ELFN1: variants seen among roughly 807,000 people sequenced by gnomAD.
ELFN1 encodes the protein protein ELFN1.
In ELFN1, 6 loss-of-function variants were observed where a neutral mutation model predicts 7.6. The ratio of observed to expected loss-of-function variants is 0.79; its 90% CI spans 0.43 to 1.56. The LOEUF (loss-of-function observed/expected upper bound fraction) is 1.56. ELFN1 is among the 40% of genes most tolerant of loss of function. The pLI is 0.01. For synonymous variants in ELFN1, 657 were observed against 588.1 expected (o/e 1.12, Z -1.70); for missense variants, 1,169 against 1,232.2 (o/e 0.95, Z 0.77).
upstream of ELFN1, among the ~76,000 whole-genome samples, chr7:1,670,206 T>TC (rs1221082155): frequency 1.5e-4 from 22 of 145,272 alleles, no homozygotes; most frequent in Admixed American, 5.4e-4. This position sits in a 1 kb window ranked among gnomAD's most constrained non-coding sequence, Gnocchi z 6.4. Context: ...GAGCTTGAAT[T>TC]CCCCCCCGGC....
chr7:1,703,899 C>T (rs1037186699), intron 2 of ELFN1, among the ~76,000 whole-genome samples: 4 of 152,208 alleles, frequency 2.6e-5, no homozygotes, highest in Non-Finnish European at 5.9e-5. Context: ...CCTGTAAGGG[C>T]TGTCGCCGGA....
intron 3 of ELFN1, among the ~76,000 whole-genome samples, chr7:1,719,974 C>T (rs2041018816): frequency 6.6e-6 from 1 of 151,580 alleles, no homozygotes; most frequent in South Asian, 2.1e-4. Context: ...TGGGGGCCTC[C>T]CCCACCATCA....
chr7:1,747,196 G>A lies in ELFN1; in HGVS notation c.*113G>A. 1.6e-6 allele frequency: 2 copies of A among 1,248,658 alleles called. No homozygotes were observed. The highest frequency in any genetic ancestry group is 2.1e-6 in the Non-Finnish European group (2 of 937,622). The allele number at this position is 1,248,658 out of a possible 1,614,324, so 77.3% of individuals were successfully genotyped here. On this transcript the variant is annotated 3_prime_UTR_variant, in exon 4 of 4. Transcript: ENST00000424383. Reference sequence around the variant, plus strand: ...ACCACAGCAACTGTGACAGCGGGGGGCCCTGCAGAGGCGAGGGGGGAGCGA... The same window carrying A: ...ACCACAGCAACTGTGACAGCGGGGGACCCTGCAGAGGCGAGGGGGGAGCGA...
intron 3 of ELFN1, among the ~76,000 whole-genome samples, chr7:1,721,344 C>A (rs1021721154): frequency 5.3e-5 from 8 of 152,204 alleles, no homozygotes; most frequent in African/African-American, 1.9e-4. Flanking sequence ...CCTCTCAGGG[C>A]CTAAGTGTGT....
At chr7:1,702,434 A>G (rs1007445144) in intron 2 of ELFN1, among the ~76,000 whole-genome samples, 12 of 150,720 alleles carry the variant, frequency 8.0e-5, no homozygotes, top group Admixed American at 7.2e-4. Context: ...GGGGAAAAAA[A>G]AAAAGAAGAA....
At chr7:1,699,355 C>T (rs1211532562) in intron 2 of ELFN1, among the ~76,000 whole-genome samples, 1 of 152,164 alleles carries the variant, frequency 6.6e-6, no homozygotes, top group Non-Finnish European at 1.5e-5. Context: ...TTCCAAGTTG[C>T]AGCCAGGTGC....
chr7:1,673,785 G>A lies in ELFN1; in HGVS notation c.-549+3431G>A, dbSNP rs916123941. Among the ~76,000 whole-genome samples the A allele has an allele frequency of 3.9e-5, 6 of 152,040 alleles. No homozygotes were observed. The highest frequency in any genetic ancestry group is 9.7e-5 in the African/African-American group (4 of 41,418). ...TCCAGCCCCTGAAGATGGTCCAGCC[G>A]GTCCATTTTCCAGAAGGGTCCAGCA... On this transcript the variant is annotated intron_variant, in intron 1 of 3. Transcript: ENST00000424383. The surrounding 1 kb of genome is among the most constrained non-coding windows in gnomAD (Gnocchi z 4.7).
intron 3 of ELFN1, among the ~76,000 whole-genome samples, chr7:1,732,229 G>A (rs1466100300): frequency 1.3e-5 from 2 of 152,148 alleles, no homozygotes; most frequent in Admixed American, 6.5e-5. Context: ...GGGAACATTG[G>A]GGTGCTGGGA....
intron 1 of ELFN1, among the ~76,000 whole-genome samples, chr7:1,679,969 G>T (rs571326215): frequency 6.6e-6 from 1 of 152,264 alleles, no homozygotes; most frequent in African/African-American, 2.4e-5. Flanking sequence ...AGAAGGGGGC[G>T]CGTGTGCCCC....
Position 1,747,184 on chromosome 7 carries a change from T to G in ELFN1, c.*101T>G. ...CACACGCACGCCACCACAGCAACTG[T>G]GACAGCGGGGGGCCCTGCAGAGGCG... On this transcript the variant is annotated 3_prime_UTR_variant, in exon 4 of 4. Coordinates refer to ENST00000424383, the MANE Select transcript of ELFN1 (RefSeq NM_001128636.4). The G allele has an allele frequency of 1.5e-6, 2 of 1,300,516 alleles. No homozygotes were observed. Among genetic ancestry groups the G allele is most frequent in the East Asian group, 2.8e-5 (1 of 36,134 alleles). 80.6% of individuals were successfully genotyped at this position (1,300,516 alleles called of 1,614,324 possible). A position where few individuals can be genotyped will look rare whatever the true frequency, so the allele number is the denominator to read the frequency against.
chr7:1,694,647 C>A lies in ELFN1; in HGVS notation c.-456+6497C>A, dbSNP rs149547723. Among the ~76,000 whole-genome samples, 275 of 152,326 alleles carry A rather than the reference C, an allele frequency of 1.8e-3. 1 individual carries two copies. The highest frequency in any genetic ancestry group is 2.7e-3 in the Non-Finnish European group (184 of 68,024). On this transcript the variant is annotated intron_variant, in intron 2 of 3. Coordinates refer to ENST00000424383, the MANE Select transcript of ELFN1 (RefSeq NM_001128636.4). ...CTTGAAGGAGTCAGCTCCCCCAGCACCCAGACGCCCACCTGCCCAGGTGCA... is the reference window on the plus strand; with the variant it reads ...CTTGAAGGAGTCAGCTCCCCCAGCAACCAGACGCCCACCTGCCCAGGTGCA...
In ELFN1 at chr7:1,739,559, G is replaced by T; in HGVS notation, c.-293-4745G>T. On this transcript the variant is annotated intron_variant, in intron 3 of 3. Transcript: ENST00000424383. This position sits in a 1 kb window ranked among gnomAD's most constrained non-coding sequence, Gnocchi z 4.6. ...AGCTGCACAGAGACAAGAGCACGGGGCACAAGACCCCCTGGGAGAGCTGGG... is the reference window on the plus strand; with the variant it reads ...AGCTGCACAGAGACAAGAGCACGGGTCACAAGACCCCCTGGGAGAGCTGGG... The T allele has an allele frequency of 6.5e-6, 1 of 153,338 alleles. No individual in the cohort carries two copies. The highest frequency in any genetic ancestry group is 1.5e-5 in the Non-Finnish European group (1 of 68,790). The allele number at this position is 153,338 out of a possible 1,614,324, so 9.5% of individuals were successfully genotyped here.
chr7:1,712,201 T>G (rs1779676990), intron 3 of ELFN1, among the ~76,000 whole-genome samples: 1 of 152,260 alleles, frequency 6.6e-6, no homozygotes, highest in Admixed American at 6.5e-5. Flanking sequence ...TTCTTTTCTT[T>G]GAGAAGGAGT....
At chr7:1,684,308 G>T (rs911517768) in intron 1 of ELFN1, among the ~76,000 whole-genome samples, 3 of 151,982 alleles carry the variant, frequency 2.0e-5, no homozygotes, top group Non-Finnish European at 1.5e-5. Flanking sequence ...ACCCCTTCTA[G>T]ACAGTATATA....
rs1031755987 is a variant in ELFN1, at chr7:1,674,018, G to A, written c.-549+3664G>A. Among the ~76,000 whole-genome samples the A allele has an allele frequency of 2.0e-5, 3 of 152,140 alleles. No homozygotes were observed. The South Asian group carries it at 6.2e-4, about 32-fold the overall frequency. ...TCCGCTCCCTGCTCCAGGCCACGGG[G>A]GTACACAGGAGCTGGTGGGGAAACT... is the stretch of plus-strand genomic sequence containing the variant. On this transcript the variant is annotated intron_variant, in intron 1 of 3. Transcript: ENST00000424383.
At chr7:1,722,211 C>T (rs904550017) in intron 3 of ELFN1, among the ~76,000 whole-genome samples, 2 of 151,934 alleles carry the variant, frequency 1.3e-5, no homozygotes, top group African/African-American at 4.8e-5. Flanking sequence ...TCTTGGAAGC[C>T]TCTTTTTCTA....
chr7:1,721,642 C>T (rs1780025141), intron 3 of ELFN1, among the ~76,000 whole-genome samples: 1 of 152,238 alleles, frequency 6.6e-6, no homozygotes, highest in Non-Finnish European at 1.5e-5. Flanking sequence ...AAGCCCACCA[C>T]ACTCAGTCCA....
intron 3 of ELFN1, among the ~76,000 whole-genome samples, chr7:1,737,572 C>A (rs1041033119): frequency 6.6e-6 from 1 of 152,224 alleles, no homozygotes; most frequent in Non-Finnish European, 1.5e-5. Context: ...AGACTCCGTC[C>A]TTTTGAGTGT....
rs1780275389 is a variant in ELFN1, at chr7:1,729,325, G to A, written c.-293-14979G>A. On this transcript the variant is annotated intron_variant, in intron 3 of 3. Transcript: ENST00000424383. ...AAAGTCCTGCACCCCGGGGCTCAGG[G>A]CCAGCTTCTTTTGCTCAGGGTTCTT... Among the ~76,000 whole-genome samples the A allele has an allele frequency of 2.6e-5, 4 of 152,222 alleles. No individual in the cohort carries two copies. The South Asian group carries it at 8.3e-4, about 32-fold the overall frequency.
Sources: allele counts gnomAD v4.1 joint callset (sites outside exome capture counted in the v4.1 genomes callset), GRCh38; gene constraint gnomAD v4.1.1; non-coding constraint Gnocchi (gnomAD v3.1); transcripts MANE v1.5; gene names NCBI Gene and HGNC (gene_info 2026-07-23, HGNC 2026-07-21).